Variants in KDM2B observed in about 807,000 individuals in gnomAD.
The protein encoded by KDM2B is lysine-specific demethylase 2B.
Under a neutral mutation model 150.0 loss-of-function variants are expected in KDM2B, and 26 were observed. That is an observed-to-expected ratio of 0.17 (90% CI 0.13 to 0.24). The LOEUF is 0.24. Among genes scored for constraint, KDM2B ranks in the 10% least tolerant of loss-of-function variants. The pLI, the probability that KDM2B is intolerant of heterozygous loss-of-function variation, is 1.00. For missense variants in KDM2B, 1,265 were observed against 1,816.9 expected, an observed-to-expected ratio of 0.70 and a Z score of 5.52; for synonymous variants, 734 against 729.5, an observed-to-expected ratio of 1.01 and a Z score of -0.10.
intron 22 of KDM2B, among the ~76,000 whole-genome samples, chr12:121,438,901 C>T (rs1392707204): frequency 1.3e-5 from 2 of 151,940 alleles, no homozygotes; most frequent in Non-Finnish European, 2.9e-5. Context: ...CAACACCCCC[C>T]AATCCAGACC....
In KDM2B at chr12:121,467,118, G is replaced by C. The variant is rs1341799476; in HGVS notation, c.1735-13774C>G. On this transcript the variant is annotated intron_variant, in intron 12 of 22. Coordinates refer to ENST00000377071, the MANE Select transcript of KDM2B (RefSeq NM_032590.5). This position sits in a 1 kb window ranked among gnomAD's most constrained non-coding sequence, Gnocchi z 5.1. ...GTCAGACAGGCGGTCGGGAGGTCGTGCGGCGGGTCCCTCCCTCAGCCCCAC... is the reference window on the plus strand; with the variant it reads ...GTCAGACAGGCGGTCGGGAGGTCGTCCGGCGGGTCCCTCCCTCAGCCCCAC... 1.8e-6 allele frequency: 2 copies of C among 1,098,624 alleles called. No individual in the cohort carries two copies. The highest frequency in any genetic ancestry group is 2.3e-6 in the Non-Finnish European group (2 of 879,708). The allele number at this position is 1,098,624 out of a possible 1,614,324, so 68.1% of individuals were successfully genotyped here.
At position 121,467,153 on chromosome 12, in the gene KDM2B, C is replaced by T; in HGVS notation, c.1735-13809G>A. On this transcript the variant is annotated intron_variant, in intron 12 of 22. Transcript: ENST00000377071. The surrounding 1 kb of genome is among the most constrained non-coding windows in gnomAD (Gnocchi z 5.1). ...CCTCCCTCAGCCCCACCCCGGGCCG[C>T]CGACCTGGTCCGGCTCCGATTCATA... is the stretch of plus-strand genomic sequence containing the variant. 8.9e-7 allele frequency: 1 copy of T among 1,119,526 alleles called. No homozygotes were observed. The highest frequency in any genetic ancestry group is 1.8e-5 in the South Asian group (1 of 56,532). The allele number at this position is 1,119,526 out of a possible 1,614,324, so 69.3% of individuals were successfully genotyped here. A position where few individuals can be genotyped will look rare whatever the true frequency, so the allele number is the denominator to read the frequency against.
intron 12 of KDM2B, among the ~76,000 whole-genome samples, chr12:121,477,192 T>A (rs1881479943): frequency 6.6e-6 from 1 of 151,836 alleles, no homozygotes; most frequent in Non-Finnish European, 1.5e-5. Context: ...CCCCATCTCA[T>A]CCAACTAGCT....
chr12:121,455,846 G>A (rs768929882), intron 12 of KDM2B, among the ~76,000 whole-genome samples: 1 of 152,206 alleles, frequency 6.6e-6, no homozygotes, highest in Non-Finnish European at 1.5e-5. Flanking sequence ...ACGTCTGGCT[G>A]CCCACGTGAG....
chr12:121,506,709 G>A (rs1252770382), intron 11 of KDM2B, among the ~76,000 whole-genome samples: 1 of 151,940 alleles, frequency 6.6e-6, no homozygotes, highest in East Asian at 1.9e-4. Context: ...AGGCCGAGGC[G>A]GGCGAATCAC....
chr12:121,557,976 C>T (rs923431034), intron 4 of KDM2B, among the ~76,000 whole-genome samples: 1 of 152,160 alleles, frequency 6.6e-6, no homozygotes, highest in Non-Finnish European at 1.5e-5. Flanking sequence ...CCTTCTATAA[C>T]GAAATCGCAG....
In KDM2B at chr12:121,444,280, G is replaced by A. The variant is rs567411320; in HGVS notation, c.2191-8C>T. On this transcript the variant is annotated splice_polypyrimidine_tract_variant and splice_region_variant and intron_variant, in intron 15 of 22. Transcript: ENST00000377071. ...GCCAGGGCCACGCTTTTGCTTGTAG[G>A]CCAAAAAGAGAGAATGAACAGACCA... The A allele has an allele frequency of 2.5e-6, 4 of 1,613,226 alleles. No homozygotes were observed. In the South Asian group the frequency reaches 4.4e-5, roughly 18 times the overall value.
chr12:121,491,520 T>C (rs1555299905), intron 12 of KDM2B, among the ~76,000 whole-genome samples: 3 of 152,062 alleles, frequency 2.0e-5, no homozygotes. Context: ...TGACCGGGCA[T>C]GGTGGCTCAC....
At chr12:121,447,549 A>G (rs782712944) in intron 13 of KDM2B, among the ~76,000 whole-genome samples, 4 of 151,910 alleles carry the variant, frequency 2.6e-5, no homozygotes, top group Non-Finnish European at 5.9e-5. Flanking sequence ...GGCAATTCCA[A>G]GTCCTTTCTA....
chr12:121,450,854 C>G (rs1281382972), intron 13 of KDM2B, among the ~76,000 whole-genome samples: 1 of 82,224 alleles, frequency 1.2e-5, no homozygotes, highest in East Asian at 5.7e-4. Flanking sequence ...GAGCAAGACT[C>G]CATCAAAAAA....
intron 12 of KDM2B, among the ~76,000 whole-genome samples, chr12:121,477,465 C>T (rs531034903): frequency 3.3e-5 from 5 of 152,110 alleles, no homozygotes; most frequent in South Asian, 2.1e-4. Flanking sequence ...CCCACTACAC[C>T]CTCCAACTCC....
intron 11 of KDM2B, among the ~76,000 whole-genome samples, chr12:121,502,272 C>T (rs906009092): frequency 6.6e-6 from 1 of 152,294 alleles, no homozygotes; most frequent in Admixed American, 6.5e-5. Context: ...TCCTCAAGAG[C>T]ATTCGGCTGG....
chr12:121,496,657 GCTAAT>G (rs1276427594), intron 11 of KDM2B, among the ~76,000 whole-genome samples: 1 of 152,114 alleles, frequency 6.6e-6, no homozygotes, highest in Non-Finnish European at 1.5e-5. Flanking sequence ...ACCAAGCCCA[GCTAAT>G]TGTATTATTT....
chr12:121,517,906 G>C (rs977162556), intron 9 of KDM2B, among the ~76,000 whole-genome samples: 8 of 150,846 alleles, frequency 5.3e-5, no homozygotes, highest in South Asian at 2.1e-4. Context: ...TTTTTTTGAG[G>C]GGGGGGATGG....
chr12:121,426,452 C>CTTT (rs138972284), downstream of KDM2B, among the ~76,000 whole-genome samples: 1 of 125,818 alleles, frequency 7.9e-6, no homozygotes, highest in South Asian at 3.0e-4. Flanking sequence ...CCTCCCCCCC[C>CTTT]TTTTTTTTTT....
In KDM2B at chr12:121,513,189, T is replaced by A; in HGVS notation, c.1174+87A>T. The A allele has an allele frequency of 6.7e-7, 1 of 1,496,950 alleles. No individual in the cohort carries two copies. 92.7% of individuals were successfully genotyped at this position (1,496,950 alleles called of 1,614,324 possible). A position where few individuals can be genotyped will look rare whatever the true frequency, so the allele number is the denominator to read the frequency against. On this transcript the variant is annotated intron_variant, in intron 10 of 22. Coordinates refer to ENST00000377071, the MANE Select transcript of KDM2B (RefSeq NM_032590.5). The surrounding 1 kb of genome is among the most constrained non-coding windows in gnomAD (Gnocchi z 5.0). ...CACTGATTCAACGAATCCCCAAAAC[T>A]CAGGGAGTGTCTCCAGGCCCCACTG...
chr12:121,568,278 G>C (rs1467012903), intron 4 of KDM2B, among the ~76,000 whole-genome samples: 2 of 152,000 alleles, frequency 1.3e-5, no homozygotes, highest in Admixed American at 6.6e-5. Flanking sequence ...AGACTAGCCT[G>C]GGCAACATGG....
At chr12:121,473,877 C>T (rs1304633803) in intron 12 of KDM2B, among the ~76,000 whole-genome samples, 10 of 152,112 alleles carry the variant, frequency 6.6e-5, no homozygotes, top group Non-Finnish European at 1.2e-4. Flanking sequence ...TCTATCCCTA[C>T]GATGGAATTA....
chr12:121,458,252 T>TGA (rs1315584742), intron 12 of KDM2B, among the ~76,000 whole-genome samples: 1 of 152,050 alleles, frequency 6.6e-6, no homozygotes, highest in Non-Finnish European at 1.5e-5. Flanking sequence ...GTCACACACC[T>TGA]GTAGTCCGAG....
Sources: gnomAD v4.1 joint callset for allele counts (sites outside exome capture counted in the v4.1 genomes callset) on GRCh38, gnomAD v4.1.1 for gene constraint, Gnocchi (gnomAD v3.1) non-coding constraint, MANE v1.5 for transcripts, NCBI Gene and HGNC (gene_info 2026-07-23, HGNC 2026-07-21) for gene names.